RHBDD1: variants seen among roughly 807,000 people sequenced by gnomAD.
RHBDD1 encodes rhomboid-related protein 4.
RHBDD1 carries 38 observed loss-of-function variants against 36.3 expected under a neutral mutation model. The observed-to-expected ratio is 1.05, with a 90% CI of 0.81 to 1.37. The LOEUF (loss-of-function observed/expected upper bound fraction) is 1.37, where lower values mean the gene tolerates loss of function less well. RHBDD1 is among the 40% of genes most tolerant of loss of function. The pLI is 0.00. For synonymous variants in RHBDD1, 151 were observed against 136.5 expected, an observed-to-expected ratio of 1.11 and a Z score of -0.74; for missense variants, 393 against 377.6, an observed-to-expected ratio of 1.04 and a Z score of -0.34.
intron 3 of RHBDD1, among the ~76,000 whole-genome samples, chr2:226,850,152 G>T (rs16822761): frequency 0.024 from 3,711 of 152,268 alleles, 83 homozygotes; most frequent in Non-Finnish European, 0.033. Context: ...ACAGACGGGG[G>T]TTGATGAGAT....
At chr2:226,905,610 A>T (rs1347765198) in intron 5 of RHBDD1, among the ~76,000 whole-genome samples, 3 of 152,216 alleles carry the variant, frequency 2.0e-5, no homozygotes, top group Non-Finnish European at 4.4e-5. Flanking sequence ...CCTCAGGAGG[A>T]TAACTGATGG....
intron 5 of RHBDD1, among the ~76,000 whole-genome samples, chr2:226,904,891 A>C (rs4675116): frequency 0.44 from 66,198 of 151,854 alleles, 14,615 homozygotes; most frequent in South Asian, 0.5. Flanking sequence ...CTCAGCAAGC[A>C]CCCTGAGCTG....
intron 8 of RHBDD1, among the ~76,000 whole-genome samples, chr2:226,987,400 A>G (rs186377182): frequency 6.6e-6 from 1 of 152,088 alleles, no homozygotes; most frequent in African/African-American, 2.4e-5. Context: ...GTTGGAGGAC[A>G]TTGCCAAGGA....
chr2:226,831,524 AACCAAG>A, upstream of RHBDD1, among the ~76,000 whole-genome samples: 1 of 152,312 alleles, frequency 6.6e-6, no homozygotes, highest in African/African-American at 2.4e-5. Context: ...GCAGTTGTAA[AACCAAG>A]GAGCACCAAG....
intron 5 of RHBDD1, among the ~76,000 whole-genome samples, chr2:226,906,486 C>G (rs553833630): frequency 6.6e-6 from 1 of 152,204 alleles, no homozygotes; most frequent in East Asian, 1.9e-4. Flanking sequence ...AGAAAAAAAA[C>G]GGAAAGCGAT....
intron 5 of RHBDD1, among the ~76,000 whole-genome samples, chr2:226,895,102 A>G (rs1021037668): frequency 5.3e-5 from 8 of 152,200 alleles, no homozygotes; most frequent in African/African-American, 1.9e-4. Flanking sequence ...TCTTGCTTGC[A>G]TTTTATTGTA....
At chr2:226,848,692 T>C (rs1400820945) in intron 3 of RHBDD1, among the ~76,000 whole-genome samples, 2 of 152,058 alleles carry the variant, frequency 1.3e-5, no homozygotes, top group Non-Finnish European at 2.9e-5. Context: ...TTTTGGTGAG[T>C]TGGTAAATTT....
intron 8 of RHBDD1, among the ~76,000 whole-genome samples, chr2:226,957,417 A>G (rs1951855338): frequency 1.3e-5 from 2 of 152,290 alleles, no homozygotes; most frequent in East Asian, 1.9e-4. Flanking sequence ...TACAAAGGGT[A>G]CTATCAAAAA....
At position 226,864,701 on chromosome 2, in the gene RHBDD1, G is replaced by A. The variant is rs143167571; in HGVS notation, c.8G>A (p.Arg3Gln). Residue 3 changes from arginine to glutamine, a missense_variant, in exon 4 of 9, where the codon CGG becomes CAG. By Grantham distance (43) the Arg-to-Gln change is conservative. Coordinates refer to ENST00000392062, the MANE Select transcript of RHBDD1 (RefSeq NM_001167608.3). ...TTTCCCTGATATCTGGCCATGCAAC[G>A]GAGATCAAGAGGGATAAATACTGGA... Reference protein sequence around the residue: MQRRSRGINTGLI... With the variant: MQQRSRGINTGLI... The A allele has an allele frequency of 7.4e-6, 12 of 1,612,966 alleles. No homozygotes were observed. Among genetic ancestry groups the A allele is most frequent in the East Asian group, 4.5e-5 (2 of 44,880 alleles).
At chr2:226,856,268 A>T (rs546386675) in intron 3 of RHBDD1, among the ~76,000 whole-genome samples, 119 of 152,344 alleles carry the variant, frequency 7.8e-4, no homozygotes, top group African/African-American at 2.8e-3. Context: ...AAATGTATTC[A>T]TGTATTTGAA....
intron 8 of RHBDD1, among the ~76,000 whole-genome samples, chr2:226,981,158 AT>A: frequency 6.6e-6 from 1 of 152,288 alleles, no homozygotes; most frequent in Non-Finnish European, 1.5e-5. Context: ...ATAGGTGGAA[AT>A]TGAACAATGA....
At chr2:226,861,875 A>C (rs1333710871) in intron 3 of RHBDD1, among the ~76,000 whole-genome samples, 1 of 152,238 alleles carries the variant, frequency 6.6e-6, no homozygotes, top group Non-Finnish European at 1.5e-5. Flanking sequence ...ATTTCAGTTT[A>C]AATTTCATTA....
intron 8 of RHBDD1, among the ~76,000 whole-genome samples, chr2:226,967,920 G>C (rs1952772653): frequency 6.6e-6 from 1 of 152,038 alleles, no homozygotes; most frequent in South Asian, 2.1e-4. Flanking sequence ...GTAACCTGTT[G>C]GTAGGTGACA....
chr2:226,978,673 A>C (rs2091020920), intron 8 of RHBDD1, among the ~76,000 whole-genome samples: 1 of 152,192 alleles, frequency 6.6e-6, no homozygotes, highest in Non-Finnish European at 1.5e-5. Context: ...GTGAGAATGC[A>C]CGCTGTCAAA....
intron 5 of RHBDD1, among the ~76,000 whole-genome samples, chr2:226,888,528 G>T (rs769208410): frequency 2.0e-5 from 3 of 151,682 alleles, no homozygotes; most frequent in South Asian, 2.1e-4. Context: ...AAAACCTAAG[G>T]ATCAGACTAT....
chr2:226,959,781 T>C (rs1480462836), intron 8 of RHBDD1, among the ~76,000 whole-genome samples: 2 of 152,162 alleles, frequency 1.3e-5, no homozygotes, highest in Non-Finnish European at 2.9e-5. Flanking sequence ...AGTGGAATTG[T>C]TGGGTCATGT....
chr2:226,826,401 TATGTC>T, the RHBDD1 span, among the ~76,000 whole-genome samples: 13 of 152,196 alleles, frequency 8.5e-5, no homozygotes, highest in Non-Finnish European at 1.6e-4. Context: ...TGACCATAAA[TATGTC>T]AGGATAATTA....
chr2:226,895,326 A>G lies in RHBDD1; in HGVS notation c.567-11467A>G, dbSNP rs145315667. On this transcript the variant is annotated intron_variant, in intron 5 of 8. Coordinates refer to ENST00000392062, the MANE Select transcript of RHBDD1 (RefSeq NM_001167608.3). ...CTGAGCTCTCCTGCTGCCTAGCAGC[A>G]GTCAGCCCTGCAGTCTCACCCCAGT... Among the ~76,000 whole-genome samples the G allele has an allele frequency of 4.9e-3, 741 of 152,288 alleles. 3 individuals are homozygous for G. Among genetic ancestry groups the G allele is most frequent in the Non-Finnish European group, 8.6e-3 (586 of 68,006 alleles).
intron 8 of RHBDD1, among the ~76,000 whole-genome samples, chr2:226,955,997 G>A (rs778091692): frequency 1.3e-5 from 2 of 152,088 alleles, no homozygotes; most frequent in African/African-American, 4.8e-5. Flanking sequence ...TGCTTTACTT[G>A]GATTCATATA....
Sources: allele counts gnomAD v4.1 joint callset (sites outside exome capture counted in the v4.1 genomes callset), GRCh38; gene constraint gnomAD v4.1.1; transcripts MANE v1.5; gene names NCBI Gene and HGNC (gene_info 2026-07-23, HGNC 2026-07-21).